Variants in AP1S3 observed in about 807,000 individuals in gnomAD.
The protein encoded by AP1S3 is adaptor related protein complex 1 subunit sigma 3.
Under a neutral mutation model 20.9 loss-of-function variants are expected in AP1S3, and 10 were observed. The ratio of observed to expected loss-of-function variants is 0.48; its 90% CI spans 0.29 to 0.81. The LOEUF is 0.81. AP1S3 is among the 30% of genes least tolerant of loss of function. The pLI is 0.08. For synonymous variants in AP1S3, 41 were observed against 61.5 expected, an observed-to-expected ratio of 0.67 and a Z score of 1.56; for missense variants, 154 against 183.8, an observed-to-expected ratio of 0.84 and a Z score of 0.94.
At chr2:223,817,619 A>G (rs866747984) in intron 1 of AP1S3, among the ~76,000 whole-genome samples, 5 of 141,012 alleles carry the variant, frequency 3.5e-5, no homozygotes, top group Non-Finnish European at 7.9e-5. Context: ...AAAAAAAAAA[A>G]AAAAAGAAAA....
intron 1 of AP1S3, among the ~76,000 whole-genome samples, chr2:223,797,987 T>C (rs931603222): frequency 1.4e-4 from 21 of 152,230 alleles, no homozygotes; most frequent in African/African-American, 4.8e-4. Flanking sequence ...TTTGAGGAAG[T>C]GGTCCTCTGA....
At chr2:223,832,352 C>CACAA (rs77999290) in intron 1 of AP1S3, among the ~76,000 whole-genome samples, 98 of 150,844 alleles carry the variant, frequency 6.5e-4, no homozygotes, top group Admixed American at 1.1e-3. Context: ...CAATACTCAC[C>CACAA]ACAAACAAAC....
chr2:223,818,673 C>T (rs1453141678), intron 1 of AP1S3, among the ~76,000 whole-genome samples: 2 of 152,100 alleles, frequency 1.3e-5, no homozygotes, highest in South Asian at 2.1e-4. Flanking sequence ...CTGCCTCAGC[C>T]TCCTGACTAG....
At chr2:223,759,045 G>A (rs1690290090) in intron 4 of AP1S3, among the ~76,000 whole-genome samples, 1 of 152,190 alleles carries the variant, frequency 6.6e-6, no homozygotes, top group Non-Finnish European at 1.5e-5. Context: ...TGTAATACCA[G>A]CACTTTGGGA....
chr2:223,837,265 C>T (rs991585063), intron 1 of AP1S3, among the ~76,000 whole-genome samples, 183 bp downstream of exon 1: 2 of 151,782 alleles, frequency 1.3e-5, no homozygotes, highest in Non-Finnish European at 2.9e-5. Flanking sequence ...CCCGGGCAAG[C>T]GATCCTGGCG....
At chr2:223,800,213 T>TA (rs59645201) in intron 1 of AP1S3, among the ~76,000 whole-genome samples, 123 of 132,822 alleles carry the variant, frequency 9.3e-4, no homozygotes, top group Middle Eastern at 3.9e-3. Context: ...AGATTGCGTC[T>TA]AAAAAAAAAA....
Position 223,771,275 on chromosome 2 carries a change from T to G in AP1S3, c.291+4626A>C, listed in dbSNP as rs1047595538. Among the ~76,000 whole-genome samples the G allele has an allele frequency of 5.9e-5, 9 of 151,944 alleles. No individual in the cohort carries two copies. In the East Asian group the frequency reaches 1.8e-3, roughly 30 times the overall value. ...TCGTTTGAACCCAGGAAGCAGAGGT[T>G]GCAGTGAGCCAAGACTGCACCACTG... On this transcript the variant is annotated intron_variant, in intron 3 of 4. Transcript: ENST00000396654.
chr2:223,834,835 A>G (rs896288057), intron 1 of AP1S3, among the ~76,000 whole-genome samples: 1 of 152,052 alleles, frequency 6.6e-6, no homozygotes. Flanking sequence ...ACCAATAACA[A>G]TATTTTTCCA....
chr2:223,755,529 A>ATT lies in AP1S3; in HGVS notation c.*3184_*3185dup, dbSNP rs66977512. On this transcript the variant is annotated 3_prime_UTR_variant, in exon 5 of 5. Coordinates refer to ENST00000396654, the MANE Select transcript of AP1S3 (RefSeq NM_001039569.2). ...CATATAGATATGTTTACTTACTTTC[A>ATT]TTTTTTTTTTTTTTTTTTTGAGACA... 0.33 allele frequency among the ~76,000 whole-genome samples: 39,526 copies of ATT among 118,136 alleles called. 7,112 individuals are homozygous for ATT. The highest frequency in any genetic ancestry group is 0.41 in the Non-Finnish European group (23,559 of 58,078). 77.5% of individuals were successfully genotyped at this position (118,136 alleles called of 152,430 possible).
At chr2:223,807,540 G>A (rs1327922263) in intron 1 of AP1S3, among the ~76,000 whole-genome samples, 1 of 152,170 alleles carries the variant, frequency 6.6e-6, no homozygotes, top group Non-Finnish European at 1.5e-5. Flanking sequence ...AATCCCCAGT[G>A]TCAGAGGTGG....
At chr2:223,825,584 C>T (rs1216181248) in intron 1 of AP1S3, among the ~76,000 whole-genome samples, 1 of 152,206 alleles carries the variant, frequency 6.6e-6, no homozygotes, top group African/African-American at 2.4e-5. Flanking sequence ...CAACATACTT[C>T]AGAGCTTAAT....
At chr2:223,795,560 C>A (rs1368153667) in intron 1 of AP1S3, among the ~76,000 whole-genome samples, 3 of 150,370 alleles carry the variant, frequency 2.0e-5, no homozygotes, top group African/African-American at 7.4e-5. Context: ...CATCCAGGGC[C>A]TGCTGGGCAT....
At chr2:223,824,343 G>C (rs575171507) in intron 1 of AP1S3, among the ~76,000 whole-genome samples, 2 of 152,144 alleles carry the variant, frequency 1.3e-5, no homozygotes, top group Admixed American at 1.3e-4. Context: ...ATCCAAAAAT[G>C]ATACATGAGA....
At chr2:223,805,192 A>G (rs1691551205) in intron 1 of AP1S3, among the ~76,000 whole-genome samples, 1 of 152,198 alleles carries the variant, frequency 6.6e-6, no homozygotes, top group South Asian at 2.1e-4. Context: ...TAATCCGAGC[A>G]CTTTGAGGGG....
chr2:223,759,995 C>T lies in AP1S3; in HGVS notation c.430-1245G>A, dbSNP rs144686703. On this transcript the variant is annotated intron_variant, in intron 4 of 4. Transcript: ENST00000396654. Reference sequence around the variant, plus strand: ...TCAGTTACTAAGTTTGCTAACATGCCCCAAAGCCATAATATTTTTTTTCAG... The same window carrying T: ...TCAGTTACTAAGTTTGCTAACATGCTCCAAAGCCATAATATTTTTTTTCAG... 7.2e-3 allele frequency among the ~76,000 whole-genome samples: 1,090 copies of T among 152,062 alleles called. 11 individuals are homozygous for T. The highest frequency in any genetic ancestry group is 0.025 in the African/African-American group (1,042 of 41,464).
intron 1 of AP1S3, among the ~76,000 whole-genome samples, chr2:223,796,749 C>A (rs1691347440): frequency 6.6e-6 from 1 of 152,130 alleles, no homozygotes; most frequent in Admixed American, 6.5e-5. Flanking sequence ...CTGCATCCTC[C>A]ACGTCCTAGG....
chr2:223,778,972 T>C lies in AP1S3; in HGVS notation c.4-1103A>G, dbSNP rs138210828. 7.2e-5 allele frequency among the ~76,000 whole-genome samples: 11 copies of C among 152,304 alleles called. No individual in the cohort carries two copies. In the East Asian group the frequency reaches 2.1e-3, roughly 29 times the overall value. On this transcript the variant is annotated intron_variant, in intron 1 of 4. Coordinates refer to ENST00000396654, the MANE Select transcript of AP1S3 (RefSeq NM_001039569.2). The stretch of plus-strand genomic sequence containing the variant: ...CCTCAGCCTCCCAAAATGCTGGGAT[T>C]GCTGGCATAAGCCACAACATCCAGC...
At chr2:223,806,277 ATTTTTT>A (rs144953846) in intron 1 of AP1S3, among the ~76,000 whole-genome samples, 8 of 111,046 alleles carry the variant, frequency 7.2e-5, no homozygotes, top group African/African-American at 2.2e-4. Context: ...AAACAAAGGA[ATTTTTT>A]TTTTTTTTTT....
rs140132971 is a variant in AP1S3, at chr2:223,826,544, G to A, written c.3+10904C>T. Among the ~76,000 whole-genome samples the A allele has an allele frequency of 6.0e-3, 911 of 152,324 alleles. 10 individuals are homozygous for A. The highest frequency in any genetic ancestry group is 0.021 in the African/African-American group (859 of 41,568). On this transcript the variant is annotated intron_variant, in intron 1 of 4. Transcript: ENST00000396654. ...GGAGGCAGGGGTCGCAGTGAGCAGA[G>A]ATTGCACCACTGCACTTCAGCTTGG...
Sources: allele counts gnomAD v4.1 joint callset (sites outside exome capture counted in the v4.1 genomes callset), GRCh38; gene constraint gnomAD v4.1.1; transcripts MANE v1.5; gene names NCBI Gene and HGNC (gene_info 2026-07-23, HGNC 2026-07-21).